Variants in SYT1 observed in about 807,000 individuals in gnomAD.
SYT1 encodes the protein synaptotagmin 1.
In SYT1, 8 loss-of-function variants were observed where a neutral mutation model predicts 44.8. That is an observed-to-expected ratio of 0.18 (90% confidence interval 0.10 to 0.32). SYT1 has a LOEUF of 0.32. SYT1 is among the 10% of genes least tolerant of loss of function. SYT1 has a pLI of 1.00. For missense variants in SYT1, 286 were observed against 509.3 expected (o/e 0.56, Z 4.22); for synonymous variants, 154 against 188.8 (o/e 0.82, Z 1.51).
intron 4 of SYT1, among the ~76,000 whole-genome samples, chr12:79,230,398 T>A (rs888044159): frequency 6.6e-6 from 1 of 152,168 alleles, no homozygotes; most frequent in Non-Finnish European, 1.5e-5. Context: ...TGAAATAGAA[T>A]TTTTTAAATA....
rs558544009 is a variant in SYT1 at position 79,361,606 on chromosome 12, T to C, written c.928+7987T>C. 3.7e-4 allele frequency among the ~76,000 whole-genome samples: 56 copies of C among 152,308 alleles called. 2 individuals carry two copies. In the South Asian group the frequency reaches 0.011, roughly 31 times the overall value. ...AGCTACTTAGACAGCAAAGGTGAGA[T>C]CAACAAGTCCATAACACCAGACATT... is the stretch of plus-strand genomic sequence containing the variant. On this transcript the variant is annotated intron_variant, in intron 9 of 10. Coordinates refer to ENST00000261205, the MANE Select transcript of SYT1 (RefSeq NM_005639.3).
At chr12:79,404,249 A>C (rs1448108251) in intron 9 of SYT1, among the ~76,000 whole-genome samples, 1 of 152,206 alleles carries the variant, frequency 6.6e-6, no homozygotes. Flanking sequence ...CATGAATGGC[A>C]GACTAAATTA....
At chr12:79,180,548 G>A (rs1872469995) in intron 3 of SYT1, among the ~76,000 whole-genome samples, 1 of 151,874 alleles carries the variant, frequency 6.6e-6, no homozygotes. Context: ...CATAATGCTG[G>A]CATCTTCTTA....
intron 1 of SYT1, among the ~76,000 whole-genome samples, chr12:78,925,674 G>A (rs2137179360): frequency 6.6e-6 from 1 of 151,884 alleles, no homozygotes; most frequent in East Asian, 1.9e-4. Flanking sequence ...TATTATAAAT[G>A]TTTAGATTTT....
intron 4 of SYT1, among the ~76,000 whole-genome samples, chr12:79,276,700 C>G (rs1878750025): frequency 6.7e-6 from 1 of 150,210 alleles, no homozygotes; most frequent in Admixed American, 6.6e-5. Context: ...AAAACCAGAA[C>G]TTCTAGAAAT....
intron 1 of SYT1, among the ~76,000 whole-genome samples, chr12:78,869,800 A>T (rs560691791): frequency 6.6e-6 from 1 of 152,118 alleles, no homozygotes; most frequent in African/African-American, 2.4e-5. Flanking sequence ...TTAAGTTCTG[A>T]TTGCTGATTT....
At chr12:79,008,884 C>A (rs993671153) in intron 2 of SYT1, among the ~76,000 whole-genome samples, 3 of 152,128 alleles carry the variant, frequency 2.0e-5, no homozygotes, top group African/African-American at 7.2e-5. Context: ...ATTAAAACTC[C>A]ATGAACTGAT....
chr12:79,019,308 G>A (rs1565765802), intron 2 of SYT1, among the ~76,000 whole-genome samples: 1 of 151,850 alleles, frequency 6.6e-6, no homozygotes, highest in South Asian at 2.1e-4. Context: ...TTAATTTGGG[G>A]ATTTGTCTTT....
At chr12:78,997,103 G>A (rs989052040) in intron 2 of SYT1, among the ~76,000 whole-genome samples, 1 of 152,176 alleles carries the variant, frequency 6.6e-6, no homozygotes, top group African/African-American at 2.4e-5. Flanking sequence ...AACAGCATAT[G>A]CCTCTATATC....
intron 1 of SYT1, among the ~76,000 whole-genome samples, chr12:78,958,814 C>T (rs1056501953): frequency 6.6e-6 from 1 of 151,954 alleles, no homozygotes; most frequent in African/African-American, 2.4e-5. Context: ...ATCATTTACG[C>T]AAACGTGGAA....
At chr12:78,905,977 T>C (rs1875959649) in intron 1 of SYT1, among the ~76,000 whole-genome samples, 2 of 152,062 alleles carry the variant, frequency 1.3e-5, no homozygotes, top group Admixed American at 1.3e-4. Context: ...ATCAAAATTA[T>C]ATTTGTAATT....
intron 2 of SYT1, among the ~76,000 whole-genome samples, chr12:79,032,916 T>C (rs77463154): frequency 0.025 from 3,844 of 151,388 alleles, 70 homozygotes; most frequent in Middle Eastern, 0.075. Flanking sequence ...CTTGCTATAG[T>C]ATATAACTCC....
intron 2 of SYT1, among the ~76,000 whole-genome samples, chr12:79,001,502 T>C (rs1316165645): frequency 6.6e-6 from 1 of 152,168 alleles, no homozygotes; most frequent in Non-Finnish European, 1.5e-5. Flanking sequence ...TTTAGAAGAC[T>C]AAAGATGTTA....
At chr12:79,135,769 CAG>C (rs139941884) in intron 3 of SYT1, among the ~76,000 whole-genome samples, 9,215 of 152,246 alleles carry the variant, frequency 0.061, 373 homozygotes, top group Non-Finnish European at 0.092. Flanking sequence ...CCACAGGAAA[CAG>C]GGGTCAATGA....
chr12:79,113,349 T>C (rs1879113551), intron 3 of SYT1, among the ~76,000 whole-genome samples: 1 of 152,174 alleles, frequency 6.6e-6, no homozygotes, highest in African/African-American at 2.4e-5. Flanking sequence ...GTCTGGCACT[T>C]ACTGGCACTG....
chr12:79,009,456 T>C (rs887564601), intron 2 of SYT1, among the ~76,000 whole-genome samples: 9 of 152,296 alleles, frequency 5.9e-5, no homozygotes, highest in South Asian at 4.1e-4. Context: ...TGGATGAGCA[T>C]TGGCAAATGC....
intron 2 of SYT1, among the ~76,000 whole-genome samples, chr12:78,996,011 T>G (rs972113167): frequency 6.6e-6 from 1 of 152,212 alleles, no homozygotes; most frequent in Non-Finnish European, 1.5e-5. Context: ...CTGAAGTTTC[T>G]GAACCAAACT....
chr12:79,167,999 A>G (rs1871313413), intron 3 of SYT1, among the ~76,000 whole-genome samples: 1 of 152,080 alleles, frequency 6.6e-6, no homozygotes, highest in African/African-American at 2.4e-5. Context: ...TGATCTGACA[A>G]GAGGCAGAAC....
chr12:79,283,677 T>C (rs1432880522), intron 4 of SYT1, among the ~76,000 whole-genome samples: 1 of 152,174 alleles, frequency 6.6e-6, no homozygotes, highest in Non-Finnish European at 1.5e-5. Context: ...GATAGATGCT[T>C]TTAAATGAAG....
Sources: allele counts gnomAD v4.1 joint callset (sites outside exome capture counted in the v4.1 genomes callset), GRCh38; gene constraint gnomAD v4.1.1; transcripts MANE v1.5; gene names NCBI Gene and HGNC (gene_info 2026-07-23, HGNC 2026-07-21).